Variants in ZMIZ2 observed in about 807,000 individuals in gnomAD.
ZMIZ2 encodes zinc finger MIZ-type containing 2.
In ZMIZ2, 26 loss-of-function variants were observed where a neutral mutation model predicts 93.9. The observed-to-expected ratio is 0.28, with a 90% CI of 0.20 to 0.38. ZMIZ2 has a LOEUF of 0.38. Ranked by LOEUF, ZMIZ2 falls within the 10% of genes least tolerant of loss-of-function variation. The probability of loss-of-function intolerance (pLI) is 1.00; values close to 1 mark genes in which losing one functional copy is unlikely to be tolerated. For missense variants in ZMIZ2, 1,023 were observed against 1,235.0 expected (o/e 0.83, Z 2.57); for synonymous variants, 485 against 516.4 (o/e 0.94, Z 0.82).
intron 7 of ZMIZ2, 84 bp from the exon 8 acceptor site, chr7:44,760,067 A>G: frequency 7.2e-7 from 1 of 1,386,266 alleles, no homozygotes; most frequent in Non-Finnish European, 1.0e-6. Context: ...AAGACCGTGT[A>G]TGGTGGGCTT....
chr7:44,766,395 TAACA>T lies in ZMIZ2; in HGVS notation c.2413-23_2413-20del. 2 of 1,613,658 alleles carry T rather than the reference TAACA, an allele frequency of 1.2e-6. No individual in the cohort carries two copies. Among genetic ancestry groups the T allele is most frequent in the Non-Finnish European group, 1.7e-6 (2 of 1,179,646 alleles). ...CCCCAGGGGAGCCCCTGAGCTGTTT[TAACA>T]AATTCTTCTCTCTGTCTTCAGATGG... On this transcript the variant is annotated intron_variant, in intron 17 of 18. Coordinates refer to ENST00000309315, the MANE Select transcript of ZMIZ2 (RefSeq NM_031449.4). The surrounding 1 kb of genome is among the most constrained non-coding windows in gnomAD (Gnocchi z 4.4).
Position 44,766,329 on chromosome 7 carries a change from G to A in ZMIZ2, c.2408G>A (p.Ser803Asn). The change falls in exon 17 of 19, where the codon AGC becomes AAC. Residue 803 changes from serine (S) to asparagine (N), a missense_variant. Transcript: ENST00000309315. This position sits in a 1 kb window ranked among gnomAD's most constrained non-coding sequence, Gnocchi z 4.4. ...GAGAAGTCTACCGCCTGCCTCCCAA[G>A]CCAGGTCAGTGCCAAGCCGAGAGGC... Reference protein sequence around the residue: ...TSEKSTACLPSQMAPAGHLDP... With the variant: ...TSEKSTACLPNQMAPAGHLDP... The A allele has an allele frequency of 2.5e-6, 4 of 1,599,386 alleles. No individual in the cohort carries two copies. Among genetic ancestry groups the A allele is most frequent in the Non-Finnish European group, 3.4e-6 (4 of 1,172,758 alleles).
In ZMIZ2 at chr7:44,761,740, G is replaced by T; in HGVS notation, c.1431G>T (p.Arg477=). ...TCAAGTGCTACCACCACGAGGACCG[G>T]CAGATGAACACCAACTGGCCAGCCT... The part of the protein sequence containing the change: ...LQFKCYHHED[R]QMNTNWPASV... The change falls in exon 11 of 19, where the codon CGG becomes CGT. Residue 477 remains arginine (R), a synonymous_variant. Transcript: ENST00000309315. The surrounding 1 kb of genome is among the most constrained non-coding windows in gnomAD (Gnocchi z 5.8). 1 of 1,614,080 alleles carries T rather than the reference G, an allele frequency of 6.2e-7. No homozygotes were observed. Among genetic ancestry groups the T allele is most frequent in the Non-Finnish European group, 8.5e-7 (1 of 1,180,020 alleles).
Position 44,766,167 on chromosome 7 carries a change from C to G in ZMIZ2, c.2246C>G (p.Ser749Cys). 1 of 1,611,242 alleles carries G rather than the reference C, an allele frequency of 6.2e-7. No homozygotes were observed. Among genetic ancestry groups the G allele is most frequent in the African/African-American group, 1.3e-5 (1 of 75,000 alleles). Reference protein sequence around the residue: ...PAPSDYPGQGSSFLGPGTFPE... With the variant: ...PAPSDYPGQGCSFLGPGTFPE... ...GGCCCCGACTCTCCTCTCACAGGTT[C>G]CAGCTTCCTGGGGCCTGGAACTTTC... The change falls in exon 17 of 19, where the codon TCC (serine) becomes TGC (cysteine). Residue 749 changes from serine to cysteine, a missense_variant. Transcript: ENST00000309315. The surrounding 1 kb of genome is among the most constrained non-coding windows in gnomAD (Gnocchi z 4.4).
Position 44,765,506 on chromosome 7 carries a change from G to C in ZMIZ2, c.2169G>C (p.Leu723=). The C allele has an allele frequency of 1.3e-6, 2 of 1,597,782 alleles. No individual in the cohort carries two copies. Among genetic ancestry groups the C allele is most frequent in the South Asian group, 1.1e-5 (1 of 90,896 alleles). The part of the protein sequence containing the change: ...MPSVMEMIAA[L]GPGAAPFAPL... ...GCGTGATGGAGATGATCGCCGCCCT[G>C]GGCCCCGGCGCTGCCCCCTTTGCCC... The change falls in exon 16 of 19, where the codon CTG becomes CTC. Residue 723 remains leucine, a synonymous_variant. Coordinates refer to ENST00000309315, the MANE Select transcript of ZMIZ2 (RefSeq NM_031449.4). The surrounding 1 kb of genome is among the most constrained non-coding windows in gnomAD (Gnocchi z 4.1).
chr7:44,756,835 C>G lies in ZMIZ2; in HGVS notation c.166-112C>G, dbSNP rs760269553. On this transcript the variant is annotated intron_variant, in intron 3 of 18. Coordinates refer to ENST00000309315, the MANE Select transcript of ZMIZ2 (RefSeq NM_031449.4). Reference sequence around the variant, plus strand: ...CTTCCCGTGCTATACCCTGTCCCCCCCACCTCTCCCCCAACCCACTTGCCA... The same window carrying G: ...CTTCCCGTGCTATACCCTGTCCCCCGCACCTCTCCCCCAACCCACTTGCCA... 5.0e-5 allele frequency: 67 copies of G among 1,343,858 alleles called. 1 individual carries two copies. Among genetic ancestry groups the G allele is most frequent in the South Asian group, 1.5e-4 (12 of 80,862 alleles). The allele number at this position is 1,343,858 out of a possible 1,614,324, so 83.2% of individuals were successfully genotyped here. A position where few individuals can be genotyped will look rare whatever the true frequency, so the allele number is the denominator to read the frequency against.
intron 3 of ZMIZ2, 112 bp from the exon 4 acceptor site, chr7:44,756,835 C>A (rs760269553): frequency 3.0e-6 from 4 of 1,343,858 alleles, no homozygotes; most frequent in East Asian, 4.6e-5. Context: ...CCTGTCCCCC[C>A]CACCTCTCCC....
At chr7:44,755,348 G>C (rs1163847424) in intron 1 of ZMIZ2, among the ~76,000 whole-genome samples, 1 of 152,090 alleles carries the variant, frequency 6.6e-6, no homozygotes, top group African/African-American at 2.4e-5. Context: ...GTGTGTCCCT[G>C]CCCTCTCCTG....
In ZMIZ2 at chr7:44,757,450, G is replaced by A. The variant is rs773829844; in HGVS notation, c.441G>A (p.Ala147=). The A allele has an allele frequency of 1.4e-5, 23 of 1,606,806 alleles. No homozygotes were observed. The highest frequency in any genetic ancestry group is 2.2e-5 in the East Asian group (1 of 44,872). ...AARPSTDFTQ[A]AAAAAVAAAA... is the part of the protein sequence containing the mutation. Reference sequence around the variant, plus strand: ...GACCCTCCACTGACTTCACGCAAGCGGCAGCTGCTGCAGCTGTGGCTGCTG... The same window carrying A: ...GACCCTCCACTGACTTCACGCAAGCAGCAGCTGCTGCAGCTGTGGCTGCTG... The change falls in exon 5 of 19, where the codon GCG becomes GCA. Residue 147 remains alanine, a synonymous_variant. Transcript: ENST00000309315.
Position 44,757,438 on chromosome 7 carries a change from C to T in ZMIZ2, c.429C>T (p.Asp143=), listed in dbSNP as rs769212250. The stretch of plus-strand genomic sequence containing the variant: ...CACATGCTGCAAGACCCTCCACTGA[C>T]TTCACGCAAGCGGCAGCTGCTGCAG... ...LPSHAARPST[D]FTQAAAAAAV... Residue 143 remains aspartate, a synonymous_variant, in exon 5 of 19, where the codon GAC becomes GAT. Transcript: ENST00000309315. 1 of 1,606,574 alleles carries T rather than the reference C, an allele frequency of 6.2e-7. No homozygotes were observed. Among genetic ancestry groups the T allele is most frequent in the Non-Finnish European group, 8.5e-7 (1 of 1,179,924 alleles).
chr7:44,758,194 T>A, intron 6 of ZMIZ2, 86 bp downstream of exon 6: 4 of 1,434,038 alleles, frequency 2.8e-6, no homozygotes, highest in Non-Finnish European at 3.6e-6. Flanking sequence ...AAGAGCAGGC[T>A]TCTGGCTGGG....
chr7:44,766,738 C>G lies in ZMIZ2; in HGVS notation c.2655+75C>G. 6.3e-7 allele frequency: 1 copy of G among 1,577,974 alleles called. No homozygotes were observed. Among genetic ancestry groups the G allele is most frequent in the South Asian group, 1.1e-5 (1 of 88,178 alleles). On this transcript the variant is annotated intron_variant, in intron 18 of 18. Coordinates refer to ENST00000309315, the MANE Select transcript of ZMIZ2 (RefSeq NM_031449.4). The surrounding 1 kb of genome is among the most constrained non-coding windows in gnomAD (Gnocchi z 4.4). ...GTGGTGTGTCTGTTCCAGGTGCGTTCTGGAAGGGAAGACAGTGACCCCTCA... is the reference window on the plus strand; with the variant it reads ...GTGGTGTGTCTGTTCCAGGTGCGTTGTGGAAGGGAAGACAGTGACCCCTCA...
At position 44,765,197 on chromosome 7, in the gene ZMIZ2, C is replaced by T. The variant is rs915713097; in HGVS notation, c.1998-138C>T. 44 of 1,506,446 alleles carry T rather than the reference C, an allele frequency of 2.9e-5. No homozygotes were observed. The highest frequency in any genetic ancestry group is 3.8e-5 in the Non-Finnish European group (42 of 1,114,304). 93.3% of individuals were successfully genotyped at this position (1,506,446 alleles called of 1,614,324 possible). A position where few individuals can be genotyped will look rare whatever the true frequency, so the allele number is the denominator to read the frequency against. On this transcript the variant is annotated intron_variant, in intron 15 of 18. Coordinates refer to ENST00000309315, the MANE Select transcript of ZMIZ2 (RefSeq NM_031449.4). This position sits in a 1 kb window ranked among gnomAD's most constrained non-coding sequence, Gnocchi z 4.1. ...TTGGTGCTGGGCCCAGCGTCCTGCT[C>T]GATGTGGAAGGTGCTGGGTGGAAGC...
Position 44,760,470 on chromosome 7 carries a change from A to C in ZMIZ2, c.1117A>C (p.Asn373His). Residue 373 changes from asparagine to histidine, a missense_variant, in exon 9 of 19, where the codon AAC (asparagine) becomes CAC (histidine). Asn to His is a moderately conservative substitution (Grantham distance 68). Around this residue, in one of 3 missense-constraint regions of ZMIZ2, gnomAD observed 656 missense variants for 777.1 expected, o/e 0.84. Coordinates refer to ENST00000309315, the MANE Select transcript of ZMIZ2 (RefSeq NM_031449.4). ...PGYPSSPLPGNPTPPMTPSSS... is the reference protein window; with the variant it reads ...PGYPSSPLPGHPTPPMTPSSS... Reference sequence around the variant, plus strand: ...CTATCCCAGTTCCCCACTGCCAGGGAACCCCACGCCACCCATGACCCCAAG... The same window carrying C: ...CTATCCCAGTTCCCCACTGCCAGGGCACCCCACGCCACCCATGACCCCAAG... The C allele has an allele frequency of 6.2e-7, 1 of 1,614,102 alleles. No homozygotes were observed. The highest frequency in any genetic ancestry group is 8.5e-7 in the Non-Finnish European group (1 of 1,180,026).
At position 44,766,859 on chromosome 7, in the gene ZMIZ2, G is replaced by A. The variant is rs890413502; in HGVS notation, c.2655+196G>A. ...GTGGGATGCGATGTACCACATTTGT[G>A]TTCATGAGGGGCCTGGATGCCGTAC... On this transcript the variant is annotated intron_variant, in intron 18 of 18. Coordinates refer to ENST00000309315, the MANE Select transcript of ZMIZ2 (RefSeq NM_031449.4). This position sits in a 1 kb window ranked among gnomAD's most constrained non-coding sequence, Gnocchi z 4.4. Among the ~76,000 whole-genome samples, 1 of 152,174 alleles carries A rather than the reference G, an allele frequency of 6.6e-6. No homozygotes were observed. Among genetic ancestry groups the A allele is most frequent in the Non-Finnish European group, 1.5e-5 (1 of 68,028 alleles).
At chr7:44,760,281 G>A in intron 8 of ZMIZ2, 53 bp downstream of exon 8, 4 of 1,583,046 alleles carry the variant, frequency 2.5e-6, no homozygotes, top group African/African-American at 2.7e-5. Context: ...GTGGGCATAT[G>A]GAGAGAGGGC....
Position 44,757,163 on chromosome 7 carries a change from C to T in ZMIZ2, c.368+14C>T, listed in dbSNP as rs201426644. On this transcript the variant is annotated intron_variant, in intron 4 of 18. Coordinates refer to ENST00000309315, the MANE Select transcript of ZMIZ2 (RefSeq NM_031449.4). ...CTTCACCACCGGGTAAGCAAGTTCC[C>T]TCACCTGGCAGGTATGCTAGGAGCC... The T allele has an allele frequency of 2.2e-4, 349 of 1,590,704 alleles. 1 individual carries two copies. Among genetic ancestry groups the T allele is most frequent in the Non-Finnish European group, 2.8e-4 (325 of 1,174,496 alleles).
chr7:44,765,066 G>A lies in ZMIZ2; in HGVS notation c.1997+57G>A, dbSNP rs540210274. ...TGTGGCCACTGGAGGGCAGCCCCAG[G>A]ACATGTCGGGGGATGTCCCTTGCCA... On this transcript the variant is annotated intron_variant, in intron 15 of 18. Transcript: ENST00000309315. This position sits in a 1 kb window ranked among gnomAD's most constrained non-coding sequence, Gnocchi z 4.1. 1 of 1,600,314 alleles carries A rather than the reference G, an allele frequency of 6.2e-7. No homozygotes were observed. Among genetic ancestry groups the A allele is most frequent in the Admixed American group, 1.7e-5 (1 of 59,866 alleles).
chr7:44,755,592 A>C (rs2116680422), intron 1 of ZMIZ2, among the ~76,000 whole-genome samples: 1 of 152,274 alleles, frequency 6.6e-6, no homozygotes, highest in South Asian at 2.1e-4. Flanking sequence ...CAAGGCCAGG[A>C]TGGAGAGTTG....
Sources: gnomAD v4.1 joint callset for allele counts (sites outside exome capture counted in the v4.1 genomes callset) on GRCh38, gnomAD v4.1.1 for gene constraint, gnomAD v4.1.1 regional missense constraint, Gnocchi (gnomAD v3.1) non-coding constraint, MANE v1.5 for transcripts, NCBI Gene and HGNC (gene_info 2026-07-23, HGNC 2026-07-21) for gene names.